Variants in SSU72 observed in about 807,000 individuals in gnomAD.
SSU72 encodes SSU72 homolog, RNA polymerase II CTD phosphatase, also known as RNA polymerase II subunit A C-terminal domain phosphatase SSU72.
Under a neutral mutation model 22.7 loss-of-function variants are expected in SSU72, and 12 were observed. That is an observed-to-expected ratio of 0.53 (90% CI 0.34 to 0.86). The LOEUF is 0.86. Among genes scored for constraint, SSU72 ranks in the 40% least tolerant of loss-of-function variants. The probability of loss-of-function intolerance (pLI) is 0.02; values close to 1 mark genes in which losing one functional copy is unlikely to be tolerated. For missense variants in SSU72, 151 were observed against 249.8 expected, an observed-to-expected ratio of 0.60 and a Z score of 2.67; for synonymous variants, 116 against 98.3, an observed-to-expected ratio of 1.18 and a Z score of -1.06.
intron 2 of SSU72, among the ~76,000 whole-genome samples, chr1:1,552,033 C>T (rs1383708763): frequency 1.3e-5 from 2 of 152,242 alleles, no homozygotes; most frequent in Non-Finnish European, 2.9e-5. Context: ...AGCAACTCCC[C>T]TGGAAACCGA....
At chr1:1,570,979 G>A (rs1642722779) in intron 1 of SSU72, among the ~76,000 whole-genome samples, 1 of 152,062 alleles carries the variant, frequency 6.6e-6, no homozygotes, top group African/African-American at 2.4e-5. Flanking sequence ...GGGCGCGGTG[G>A]CTCACGCCTG....
chr1:1,542,031 G>A lies in SSU72; in HGVS notation c.*35C>T. On this transcript the variant is annotated 3_prime_UTR_variant, in exon 5 of 5. Transcript: ENST00000291386. The surrounding 1 kb of genome is among the most constrained non-coding windows in gnomAD (Gnocchi z 4.4). ...AGGAAGGAAAAAGTATGAACAACAG[G>A]AAGCTCCAGAGGCGGCTCCATGCGG... 1 of 1,545,562 alleles carries A rather than the reference G, an allele frequency of 6.5e-7. No homozygotes were observed. Among genetic ancestry groups the A allele is most frequent in the Non-Finnish European group, 8.8e-7 (1 of 1,140,214 alleles).
intron 1 of SSU72, among the ~76,000 whole-genome samples, chr1:1,568,629 T>C (rs979994148): frequency 1.1e-4 from 17 of 151,568 alleles, no homozygotes; most frequent in African/African-American, 4.1e-4. Context: ...AAAACTATCA[T>C]AAAGAAGCCA....
chr1:1,544,008 C>T lies in SSU72; in HGVS notation c.365-21G>A, dbSNP rs371048176. On this transcript the variant is annotated intron_variant, in intron 3 of 4. Coordinates refer to ENST00000291386, the MANE Select transcript of SSU72 (RefSeq NM_014188.3). Reference sequence around the variant, plus strand: ...CAGATCTGATTGGGACAAGGTGACACAGACGTCAGAGGCTCCAAAACCAGG... The same window carrying T: ...CAGATCTGATTGGGACAAGGTGACATAGACGTCAGAGGCTCCAAAACCAGG... 13 of 1,588,160 alleles carry T rather than the reference C, an allele frequency of 8.2e-6. No homozygotes were observed. The South Asian group carries it at 1.3e-4, about 16-fold the overall frequency.
intron 1 of SSU72, among the ~76,000 whole-genome samples, chr1:1,571,170 G>A (rs560145728): frequency 3.3e-5 from 5 of 150,816 alleles, no homozygotes; most frequent in South Asian, 4.2e-4. Context: ...GCATGAACCC[G>A]GGAGGCGGAG....
At chr1:1,564,605 C>A (rs757460258) in intron 2 of SSU72, 168 bp downstream of exon 2, 1 of 1,611,806 alleles carries the variant, frequency 6.2e-7, no homozygotes, top group Non-Finnish European at 8.5e-7. Context: ...TGGAACTAAC[C>A]CGTGGACGAT....
chr1:1,547,146 G>A (rs888559911), intron 2 of SSU72, among the ~76,000 whole-genome samples: 1 of 152,120 alleles, frequency 6.6e-6, no homozygotes, highest in African/African-American at 2.4e-5. Context: ...AGGGTGCAGG[G>A]GTCCAGTGGC....
At chr1:1,562,647 C>T (rs964233338) in intron 2 of SSU72, 17 of 152,318 alleles carry the variant, frequency 1.1e-4, no homozygotes, top group Admixed American at 7.8e-4. Context: ...CACCCATCGC[C>T]GTAAGGCTCC....
intron 2 of SSU72, among the ~76,000 whole-genome samples, chr1:1,560,231 C>A (rs1642571491): frequency 6.6e-6 from 1 of 152,172 alleles, no homozygotes; most frequent in Non-Finnish European, 1.5e-5. Context: ...CTTCCTCAGG[C>A]TGGAGCACAA....
chr1:1,573,419 G>A (rs1001460913), intron 1 of SSU72, among the ~76,000 whole-genome samples: 1 of 131,140 alleles, frequency 7.6e-6, no homozygotes, highest in Admixed American at 8.8e-5. Context: ...GACAGAGCAA[G>A]ACTCTGTCTC....
At chr1:1,548,415 C>G (rs917351472) in intron 2 of SSU72, among the ~76,000 whole-genome samples, 1 of 152,112 alleles carries the variant, frequency 6.6e-6, no homozygotes, top group Non-Finnish European at 1.5e-5. Flanking sequence ...ATTAGCCAGG[C>G]GTCGTGGCAG....
intron 4 of SSU72, 197 bp downstream of exon 4, chr1:1,543,672 T>TC (rs1314258212): frequency 2.2e-6 from 1 of 457,716 alleles, no homozygotes; most frequent in Non-Finnish European, 4.0e-6. Flanking sequence ...CCTCGGCCAC[T>TC]CCCCACTGTC....
chr1:1,547,870 C>G (rs766595748), intron 2 of SSU72, among the ~76,000 whole-genome samples: 9 of 152,354 alleles, frequency 5.9e-5, no homozygotes, highest in Non-Finnish European at 1.3e-4. Flanking sequence ...AAACCTGTCC[C>G]ATCTTCCGGA....
At chr1:1,553,018 C>T (rs919746073) in intron 2 of SSU72, among the ~76,000 whole-genome samples, 1 of 93,818 alleles carries the variant, frequency 1.1e-5, no homozygotes, top group Non-Finnish European at 2.4e-5. Context: ...GAGACTGTCT[C>T]AAAAAAAAAA....
intron 2 of SSU72, among the ~76,000 whole-genome samples, chr1:1,558,094 C>T (rs1033230634): frequency 6.6e-6 from 1 of 151,242 alleles, no homozygotes; most frequent in East Asian, 2.0e-4. Context: ...CCCAGCTACT[C>T]GGGAGGCTGA....
At chr1:1,545,158 A>G in intron 2 of SSU72, 156 bp from the exon 3 acceptor site, 1 of 831,750 alleles carries the variant, frequency 1.2e-6, no homozygotes, top group South Asian at 1.7e-5. Flanking sequence ...CTGGTGAGGC[A>G]GGGGCCTCAC....
intron 2 of SSU72, among the ~76,000 whole-genome samples, chr1:1,556,414 C>A (rs554361265): frequency 1.3e-5 from 2 of 152,136 alleles, no homozygotes; most frequent in South Asian, 4.2e-4. Context: ...GTGGGGGGCG[C>A]CCGTAATCCC....
intron 2 of SSU72, among the ~76,000 whole-genome samples, chr1:1,553,706 GT>G (rs370600542): frequency 4.0e-5 from 6 of 151,712 alleles, no homozygotes; most frequent in African/African-American, 1.2e-4. Context: ...CAGGAGAATG[GT>G]GTGAACCCGG....
intron 2 of SSU72, among the ~76,000 whole-genome samples, chr1:1,555,272 G>A (rs538215019): frequency 6.6e-5 from 10 of 152,320 alleles, no homozygotes; most frequent in South Asian, 2.1e-4. Context: ...AGGAGGCTCC[G>A]GTATCTGTGC....
Sources: allele counts gnomAD v4.1 joint callset (sites outside exome capture counted in the v4.1 genomes callset), GRCh38; gene constraint gnomAD v4.1.1; non-coding constraint Gnocchi (gnomAD v3.1); transcripts MANE v1.5; gene names NCBI Gene and HGNC (gene_info 2026-07-23, HGNC 2026-07-21).